PLAC1: variants seen among roughly 807,000 people sequenced by gnomAD.
PLAC1 encodes the protein placenta associated 1, also known as placenta-specific protein 1.
For synonymous variants in PLAC1, 68 were observed against 62.1 expected (o/e 1.09, Z -0.44); for missense variants, 136 against 163.2 (o/e 0.83, Z 0.91).
chrX:134,687,813 AACATATATATAT>A (rs2078522366), intron 2 of PLAC1, among the ~76,000 whole-genome samples: 1 of 57,317 alleles, frequency 1.7e-5, no homozygotes, highest in Non-Finnish European at 3.0e-5. Flanking sequence ...GGACTGAGAT[AACATATATATAT>A]ATATATATAT....
rs1401486829 is a variant in PLAC1 at position 134,652,962 on chromosome X, A to G, written c.-131+5366T>C. ...GTGGTCCATCAGTCTGTGTCACTGCATAACAGCGCAGGTGGAAGTGTCCCT... is the reference window on the plus strand; with the variant it reads ...GTGGTCCATCAGTCTGTGTCACTGCGTAACAGCGCAGGTGGAAGTGTCCCT... On this transcript the variant is annotated intron_variant, in intron 1 of 2. Coordinates refer to ENST00000359237, the MANE Select transcript of PLAC1 (RefSeq NM_021796.4). Among the ~76,000 whole-genome samples, 17 of 112,203 alleles carry G rather than the reference A, an allele frequency of 1.5e-4. No individual in the cohort carries two copies. In the Admixed American group the frequency reaches 1.6e-3, roughly 11 times the overall value.
intron 1 of PLAC1, among the ~76,000 whole-genome samples, chrX:134,762,108 T>G (rs1168937950): frequency 1.9e-5 from 2 of 106,094 alleles, no homozygotes; most frequent in Non-Finnish European, 3.9e-5. Flanking sequence ...CAATACCTAC[T>G]TCCAGTCATT....
At chrX:134,624,687 G>C (rs1287351153) in intron 1 of PLAC1, among the ~76,000 whole-genome samples, 2 of 111,727 alleles carry the variant, frequency 1.8e-5, no homozygotes, top group Non-Finnish European at 3.8e-5. Context: ...TTTGTATGTG[G>C]TTAAAACTGC....
At chrX:134,613,147 C>T (rs2078162355) in intron 1 of PLAC1, among the ~76,000 whole-genome samples, 1 of 110,477 alleles carries the variant, frequency 9.1e-6, no homozygotes. Flanking sequence ...TAGTGAGGCC[C>T]CATCTCCAAA....
At chrX:134,579,614 T>C (rs1475385009) in intron 2 of PLAC1, among the ~76,000 whole-genome samples, 2 of 111,481 alleles carry the variant, frequency 1.8e-5, no homozygotes, top group Non-Finnish European at 3.8e-5. Context: ...AGATGGTATG[T>C]GGCAGTGAGA....
At chrX:134,724,361 C>T (rs2078667574) in intron 2 of PLAC1, among the ~76,000 whole-genome samples, 1 of 111,901 alleles carries the variant, frequency 8.9e-6, no homozygotes, top group Non-Finnish European at 1.9e-5. Context: ...ACTCCTCCAC[C>T]AGTTCCCTCA....
intron 1 of PLAC1, among the ~76,000 whole-genome samples, chrX:134,742,446 G>A (rs1334074168): frequency 8.9e-6 from 1 of 112,015 alleles, no homozygotes; most frequent in Non-Finnish European, 1.9e-5. Flanking sequence ...AAATGAGCTG[G>A]GCATGGTGGC....
At chrX:134,754,930 CAA>C (rs1422070190) in intron 1 of PLAC1, among the ~76,000 whole-genome samples, 3 of 110,300 alleles carry the variant, frequency 2.7e-5, no homozygotes, top group Non-Finnish European at 5.7e-5. Flanking sequence ...ATGACTTTAA[CAA>C]TAAATTATTT....
chrX:134,612,356 G>A (rs978731280), intron 1 of PLAC1, among the ~76,000 whole-genome samples: 1 of 112,185 alleles, frequency 8.9e-6, no homozygotes, highest in African/African-American at 3.2e-5. Flanking sequence ...TATGTAAAGC[G>A]TTTAGCACAG....
At chrX:134,716,181 T>G (rs139632534) in intron 2 of PLAC1, among the ~76,000 whole-genome samples, 40 of 112,628 alleles carry the variant, frequency 3.6e-4, no homozygotes, top group African/African-American at 1.2e-3. Flanking sequence ...GCCTTTGATC[T>G]GTCTCCTTTG....
At chrX:134,596,108 A>G (rs1291292929) in intron 2 of PLAC1, among the ~76,000 whole-genome samples, 1 of 111,512 alleles carries the variant, frequency 9.0e-6, no homozygotes, top group Non-Finnish European at 1.9e-5. Flanking sequence ...TGAAGTATAA[A>G]AACCTTACTT....
At chrX:134,643,932 G>GAATAATAATAATAAT (rs59970411) in intron 1 of PLAC1, among the ~76,000 whole-genome samples, 278 of 100,475 alleles carry the variant, frequency 2.8e-3, no homozygotes, top group African/African-American at 9.5e-3. Flanking sequence ...TGTAAAAGAG[G>GAATAATAATAATAAT]AATAATAATA....
At chrX:134,715,655 G>A (rs1024652766) in intron 2 of PLAC1, among the ~76,000 whole-genome samples, 6 of 111,792 alleles carry the variant, frequency 5.4e-5, no homozygotes, top group African/African-American at 1.6e-4. Context: ...CCTCTCCTGG[G>A]GCCCTCTGCT....
chrX:134,596,186 T>C (rs925302343), intron 2 of PLAC1, among the ~76,000 whole-genome samples: 4 of 102,724 alleles, frequency 3.9e-5, no homozygotes, highest in African/African-American at 1.4e-4. Flanking sequence ...TACATGCAAT[T>C]AGAACTATAT....
rs567943259 is a variant in PLAC1, at chrX:134,639,977, G to A, written c.-131+18351C>T. 4.0e-4 allele frequency among the ~76,000 whole-genome samples: 45 copies of A among 111,873 alleles called. 3 individuals carry two copies. In the Middle Eastern group the frequency reaches 0.014, roughly 35 times the overall value. On this transcript the variant is annotated intron_variant, in intron 1 of 2. Coordinates refer to ENST00000359237, the MANE Select transcript of PLAC1 (RefSeq NM_021796.4). ...ATTTTTTTGTTTATCTATTCACCAT[G>A]TGATGGATGCTTGGGTTGTTTTCAC...
intron 1 of PLAC1, among the ~76,000 whole-genome samples, chrX:134,624,919 T>C (rs1395029618): frequency 1.8e-5 from 2 of 109,469 alleles, no homozygotes; most frequent in Admixed American, 9.8e-5. Flanking sequence ...GATAGATAGA[T>C]AGATAGATAG....
intron 2 of PLAC1, among the ~76,000 whole-genome samples, chrX:134,688,681 C>A (rs1006284665): frequency 8.9e-6 from 1 of 112,109 alleles, no homozygotes; most frequent in Admixed American, 9.4e-5. Context: ...TGTTCTCTTG[C>A]GTTCAAAGTC....
intron 1 of PLAC1, among the ~76,000 whole-genome samples, chrX:134,635,708 C>G (rs1248565618): frequency 9.0e-6 from 1 of 111,510 alleles, no homozygotes; most frequent in Non-Finnish European, 1.9e-5. Context: ...CCTCACTGCA[C>G]CTCACCCCTC....
chrX:134,629,392 A>T (rs926170678), intron 1 of PLAC1, among the ~76,000 whole-genome samples: 4 of 111,347 alleles, frequency 3.6e-5, no homozygotes, highest in Non-Finnish European at 5.6e-5. Flanking sequence ...ATGATTTTCA[A>T]CTCAGAACAC....
Sources: gnomAD v4.1 joint callset for allele counts (sites outside exome capture counted in the v4.1 genomes callset) on GRCh38, gnomAD v4.1.1 for gene constraint, MANE v1.5 for transcripts, NCBI Gene and HGNC (gene_info 2026-07-23, HGNC 2026-07-21) for gene names.